USP6NL: variants seen among roughly 807,000 people sequenced by gnomAD.
The protein encoded by USP6NL is USP6 N-terminal like.
In USP6NL, 26 loss-of-function variants were observed where a neutral mutation model predicts 61.9. The ratio of observed to expected loss-of-function variants is 0.42; its 90% CI spans 0.31 to 0.58. The LOEUF is 0.58. USP6NL is among the 20% of genes least tolerant of loss of function. The pLI, the probability that USP6NL is intolerant of heterozygous loss-of-function variation, is 0.16. For missense variants in USP6NL, 1,114 were observed against 1,034.3 expected, an observed-to-expected ratio of 1.08 and a Z score of -1.06; for synonymous variants, 432 against 390.1, an observed-to-expected ratio of 1.11 and a Z score of -1.27.
At chr10:11,566,966 T>C (rs1358088155) in intron 2 of USP6NL, among the ~76,000 whole-genome samples, 1 of 152,084 alleles carries the variant, frequency 6.6e-6, no homozygotes, top group Non-Finnish European at 1.5e-5. Flanking sequence ...AAGACAAAAT[T>C]AGCCAGGCAC....
At chr10:11,529,932 C>T (rs922183888) in intron 2 of USP6NL, among the ~76,000 whole-genome samples, 1 of 151,868 alleles carries the variant, frequency 6.6e-6, no homozygotes, top group African/African-American at 2.4e-5. Flanking sequence ...GAAACCTAGT[C>T]TCTACTAAAA....
rs934259595 is a variant in USP6NL at position 11,482,961 on chromosome 10, T to C, written c.926-1039A>G. Among the ~76,000 whole-genome samples the C allele has an allele frequency of 1.3e-5, 2 of 152,176 alleles. No homozygotes were observed. Among genetic ancestry groups the C allele is most frequent in the Non-Finnish European group, 2.9e-5 (2 of 68,024 alleles). ...CTAAGTCAAGCTAATTGACACATCATTACCTCACATACTTATCTGTCCATA... is the reference window on the plus strand; with the variant it reads ...CTAAGTCAAGCTAATTGACACATCACTACCTCACATACTTATCTGTCCATA... On this transcript the variant is annotated intron_variant, in intron 13 of 14. Coordinates refer to ENST00000609104, the MANE Select transcript of USP6NL (RefSeq NM_014688.5). The surrounding 1 kb of genome is among the most constrained non-coding windows in gnomAD (Gnocchi z 4.0).
rs934402260 is a variant in USP6NL, at chr10:11,485,299, A to C, written c.760-65T>G. 4 of 1,321,926 alleles carry C rather than the reference A, an allele frequency of 3.0e-6. No homozygotes were observed. In the East Asian group the frequency reaches 1.0e-4, roughly 34 times the overall value. The allele number at this position is 1,321,926 out of a possible 1,614,324, so 81.9% of individuals were successfully genotyped here. On this transcript the variant is annotated intron_variant, in intron 11 of 14. Transcript: ENST00000609104. This position sits in a 1 kb window ranked among gnomAD's most constrained non-coding sequence, Gnocchi z 4.8. ...AACTAAATTTAACAAAATAATACTA[A>C]GTTAGGAAGGCTGTTGGATGCAGCT...
In USP6NL at chr10:11,525,521, T is replaced by G; in HGVS notation, c.73-53A>C. ...AATCAGAGTTTATAAAACTGAATAA[T>G]TTTTTAAAATAAAAGGACGAAGAAA... is the stretch of plus-strand genomic sequence containing the variant. On this transcript the variant is annotated intron_variant, in intron 3 of 14. Coordinates refer to ENST00000609104, the MANE Select transcript of USP6NL (RefSeq NM_014688.5). The surrounding 1 kb of genome is among the most constrained non-coding windows in gnomAD (Gnocchi z 5.0). The G allele has an allele frequency of 2.1e-6, 3 of 1,430,824 alleles. No homozygotes were observed. Among genetic ancestry groups the G allele is most frequent in the East Asian group, 5.1e-5 (2 of 39,318 alleles). The allele number at this position is 1,430,824 out of a possible 1,614,324, so 88.6% of individuals were successfully genotyped here. A position where few individuals can be genotyped will look rare whatever the true frequency, so the allele number is the denominator to read the frequency against.
At position 11,463,963 on chromosome 10, in the gene USP6NL, C is replaced by T. The variant is rs1832320630; in HGVS notation, c.1079-114G>A. The T allele has an allele frequency of 6.2e-6, 6 of 963,102 alleles. No individual in the cohort carries two copies. Among genetic ancestry groups the T allele is most frequent in the Non-Finnish European group, 9.1e-6 (6 of 659,996 alleles). The allele number at this position is 963,102 out of a possible 1,614,324, so 59.7% of individuals were successfully genotyped here. On this transcript the variant is annotated intron_variant, in intron 14 of 14. Coordinates refer to ENST00000609104, the MANE Select transcript of USP6NL (RefSeq NM_014688.5). The surrounding 1 kb of genome is among the most constrained non-coding windows in gnomAD (Gnocchi z 6.3). ...TCATCTGTGCACAGATACACGCTGA[C>T]ATACAACACACTGTCATACAACACA...
chr10:11,610,674 C>T (rs1391843190), intron 1 of USP6NL, among the ~76,000 whole-genome samples: 4 of 151,212 alleles, frequency 2.6e-5, no homozygotes, highest in Non-Finnish European at 2.9e-5. Context: ...TGGGTACGGC[C>T]CTAATTCAAC....
intron 2 of USP6NL, among the ~76,000 whole-genome samples, chr10:11,576,596 T>C (rs942023170): frequency 2.0e-5 from 3 of 152,314 alleles, no homozygotes; most frequent in East Asian, 1.9e-4. Context: ...CTAACAGACA[T>C]TAAATCTGCC....
intron 2 of USP6NL, among the ~76,000 whole-genome samples, chr10:11,594,290 ACT>A (rs1352785692): frequency 1.3e-5 from 2 of 152,214 alleles, no homozygotes; most frequent in African/African-American, 4.8e-5. Context: ...AAGAAATGTA[ACT>A]CAGTCTGATT....
intron 2 of USP6NL, among the ~76,000 whole-genome samples, chr10:11,560,337 A>G (rs1167839043): frequency 6.6e-6 from 1 of 152,112 alleles, no homozygotes; most frequent in African/African-American, 2.4e-5. Context: ...CAGAAACATC[A>G]CTCAGCAGGT....
At chr10:11,466,534 T>C (rs1196262912) in intron 14 of USP6NL, among the ~76,000 whole-genome samples, 1 of 152,200 alleles carries the variant, frequency 6.6e-6, no homozygotes, top group African/African-American at 2.4e-5. Context: ...ATTTTATAGA[T>C]CCGCTATGAG....
At chr10:11,516,968 G>A (rs987231352) in intron 5 of USP6NL, among the ~76,000 whole-genome samples, 8 of 152,112 alleles carry the variant, frequency 5.3e-5, no homozygotes, top group South Asian at 2.1e-4. Context: ...TTAAATCACC[G>A]GTCTGAAGAC....
chr10:11,542,501 C>T (rs559871243), intron 2 of USP6NL, among the ~76,000 whole-genome samples: 2 of 152,160 alleles, frequency 1.3e-5, no homozygotes, highest in East Asian at 3.9e-4. Context: ...GGTAGATCAC[C>T]TAAGGCCAGG....
At position 11,498,838 on chromosome 10, in the gene USP6NL, T is replaced by C. The variant is rs576316571; in HGVS notation, c.384+2263A>G. 2.6e-5 allele frequency among the ~76,000 whole-genome samples: 4 copies of C among 152,214 alleles called. No individual in the cohort carries two copies. In the East Asian group the frequency reaches 5.8e-4, roughly 22 times the overall value. On this transcript the variant is annotated intron_variant, in intron 7 of 14. Transcript: ENST00000609104. ...TACTCCATGAAGTCTTCCTGAACCATAAAGGTGATTTCTTTTCTTACCCTC... is the reference window on the plus strand; with the variant it reads ...TACTCCATGAAGTCTTCCTGAACCACAAAGGTGATTTCTTTTCTTACCCTC...
At chr10:11,583,977 C>T (rs959577052) in intron 2 of USP6NL, among the ~76,000 whole-genome samples, 11 of 151,964 alleles carry the variant, frequency 7.2e-5, no homozygotes, top group Non-Finnish European at 1.2e-4. Context: ...TGCAGTGAGG[C>T]GAGATCACGT....
rs1394634744 is a variant in USP6NL at position 11,462,187 on chromosome 10, T to A, written c.*254A>T. 4 of 461,238 alleles carry A rather than the reference T, an allele frequency of 8.7e-6. No individual in the cohort carries two copies. The highest frequency in any genetic ancestry group is 5.9e-5 in the African/African-American group (3 of 51,256). The allele number at this position is 461,238 out of a possible 1,614,324, so 28.6% of individuals were successfully genotyped here. Reference sequence around the variant, plus strand: ...GGAACTGAGTAATAAATTACCACTGTGCGTGCATCCCTAAATGCTATTGCG... The same window carrying A: ...GGAACTGAGTAATAAATTACCACTGAGCGTGCATCCCTAAATGCTATTGCG... On this transcript the variant is annotated 3_prime_UTR_variant, in exon 15 of 15. Coordinates refer to ENST00000609104, the MANE Select transcript of USP6NL (RefSeq NM_014688.5).
intron 2 of USP6NL, among the ~76,000 whole-genome samples, chr10:11,534,865 TCTAAAACTGAACC>T (rs1239294860): frequency 2.0e-5 from 3 of 152,130 alleles, no homozygotes; most frequent in African/African-American, 7.2e-5. Flanking sequence ...ATAGACAATG[TCTAAAACTGAACC>T]CTGATCTGCA....
chr10:11,582,593 CTCATA>C (rs1224988734), intron 2 of USP6NL, among the ~76,000 whole-genome samples: 2 of 152,202 alleles, frequency 1.3e-5, no homozygotes, highest in Non-Finnish European at 2.9e-5. Context: ...TTATCCTTCT[CTCATA>C]TAATTTCAAA....
At chr10:11,493,645 T>C (rs1464332319) in intron 7 of USP6NL, among the ~76,000 whole-genome samples, 3 of 152,268 alleles carry the variant, frequency 2.0e-5, no homozygotes, top group Admixed American at 6.5e-5. Flanking sequence ...ATTTGCTTTG[T>C]TTCCCACCTA....
At chr10:11,498,081 A>C (rs1036011018) in intron 7 of USP6NL, among the ~76,000 whole-genome samples, 1 of 151,354 alleles carries the variant, frequency 6.6e-6, no homozygotes, top group African/African-American at 2.4e-5. Flanking sequence ...TACTAAAAAT[A>C]GAAAACTTAG....
Sources: allele counts gnomAD v4.1 joint callset (sites outside exome capture counted in the v4.1 genomes callset), GRCh38; gene constraint gnomAD v4.1.1; non-coding constraint Gnocchi (gnomAD v3.1); transcripts MANE v1.5; gene names NCBI Gene and HGNC (gene_info 2026-07-23, HGNC 2026-07-21).